Variants in OR51B5 observed in about 807,000 individuals in gnomAD.
The protein encoded by OR51B5 is olfactory receptor 51B5.
For missense variants in OR51B5, 456 were observed against 374.6 expected (o/e 1.22, Z -1.79); for synonymous variants, 186 against 144.8 (o/e 1.28, Z -2.04).
At chr11:5,424,756 T>C (rs2647568) in intron 1 of OR51B5, among the ~76,000 whole-genome samples, 94,450 of 138,052 alleles carry the variant, frequency 0.68, 32,965 homozygotes, top group Middle Eastern at 0.73. Flanking sequence ...CCGAGACGGG[T>C]GGATCACGAC....
At chr11:5,369,543 C>T (rs1347241425) in intron 1 of OR51B5, among the ~76,000 whole-genome samples, 1 of 151,850 alleles carries the variant, frequency 6.6e-6, no homozygotes, top group Non-Finnish European at 1.5e-5. Context: ...TAAAATTTTC[C>T]ATTCACTATC....
chr11:5,395,157 T>C (rs973789638), intron 1 of OR51B5, among the ~76,000 whole-genome samples: 10 of 152,174 alleles, frequency 6.6e-5, no homozygotes, highest in African/African-American at 1.9e-4. Context: ...AATCCCTCTT[T>C]GACATTCATC....
intron 1 of OR51B5, chr11:5,389,394 G>A (rs781260832): frequency 2.5e-5 from 40 of 1,609,398 alleles, no homozygotes; most frequent in South Asian, 8.8e-5. Context: ...CTCAATCCCC[G>A]AGGAATGTCA....
At chr11:5,353,380 G>A (rs538119168) in intron 1 of OR51B5, among the ~76,000 whole-genome samples, 76 of 152,266 alleles carry the variant, frequency 5.0e-4, no homozygotes, top group African/African-American at 1.8e-3. Flanking sequence ...GGTATGAGAG[G>A]TCTGGTTTAG....
intron 1 of OR51B5, among the ~76,000 whole-genome samples, chr11:5,477,314 G>A (rs1490825748): frequency 6.6e-6 from 1 of 152,156 alleles, no homozygotes; most frequent in Non-Finnish European, 1.5e-5. Context: ...CTTGAGATGA[G>A]CACAGAGGTG....
upstream of OR51B5, chr11:5,347,009 T>C (rs1849002792): frequency 6.6e-6 from 1 of 152,184 alleles, no homozygotes; most frequent in Non-Finnish European, 1.5e-5. Context: ...ATATTTACTC[T>C]GTATTAACTC....
At chr11:5,499,285 T>TGACCTATTTCTGTGTATAGGTCTCTTA (rs1554898514) in intron 1 of OR51B5, among the ~76,000 whole-genome samples, 1 of 150,474 alleles carries the variant, frequency 6.6e-6, no homozygotes, top group Non-Finnish European at 1.5e-5. Flanking sequence ...GGTTACTCTT[T>TGACCTATTTCTGTGTATAGGTCTCTTA]GACCTATTTC....
chr11:5,351,713 T>C (rs1335846859), intron 1 of OR51B5: 1 of 1,614,098 alleles, frequency 6.2e-7, no homozygotes, highest in Non-Finnish European at 8.5e-7. Context: ...GCTACAGACC[T>C]CGGAGTGACA....
chr11:5,350,526 T>TTAGAATTCTAA (rs1185779854), intron 1 of OR51B5, among the ~76,000 whole-genome samples: 10 of 152,296 alleles, frequency 6.6e-5, no homozygotes, highest in South Asian at 2.1e-4. Context: ...AGCTGAAATC[T>TTAGAATTCTAA]TAGAATTCTA....
intron 1 of OR51B5, among the ~76,000 whole-genome samples, chr11:5,407,596 C>A (rs546453129): frequency 1.3e-5 from 2 of 152,090 alleles, no homozygotes; most frequent in South Asian, 4.2e-4. Context: ...TGTATTAATA[C>A]CTGAATAAAT....
At chr11:5,361,400 T>C (rs1008353685) in intron 1 of OR51B5, among the ~76,000 whole-genome samples, 7 of 152,166 alleles carry the variant, frequency 4.6e-5, no homozygotes, top group African/African-American at 1.7e-4. Flanking sequence ...GCAGCTTGGC[T>C]TCTGAGTATA....
intron 1 of OR51B5, among the ~76,000 whole-genome samples, chr11:5,458,179 T>C (rs1850989672): frequency 6.6e-6 from 1 of 152,220 alleles, no homozygotes; most frequent in Admixed American, 6.5e-5. Context: ...TTCAATCTAC[T>C]GGGTATGGTT....
intron 1 of OR51B5, among the ~76,000 whole-genome samples, chr11:5,462,683 C>T (rs1477824766): frequency 6.6e-6 from 1 of 152,174 alleles, no homozygotes; most frequent in Non-Finnish European, 1.5e-5. Flanking sequence ...TCCAATATTC[C>T]ATTATCAACT....
Position 5,342,693 on chromosome 11 carries a change from A to AG in OR51B5, c.831dup (p.Tyr278LeufsTer14). The AG allele has an allele frequency of 6.2e-7, 1 of 1,613,992 alleles. No individual in the cohort carries two copies. The highest frequency in any genetic ancestry group is 8.5e-7 in the Non-Finnish European group (1 of 1,179,900). The stretch of plus-strand genomic sequence containing the variant: ...TTCATTAGTGGAGGGAACAGAAAAT[A>AG]GGCATAGCTCATAATGAGGTGAACA... On this transcript the variant is annotated frameshift_variant, in exon 1 of 1. Transcript: ENST00000300773. LOFTEE classifies it low-confidence loss of function (END_TRUNC).
intron 1 of OR51B5, chr11:5,351,756 G>A: frequency 1.2e-6 from 2 of 1,614,038 alleles, no homozygotes; most frequent in Non-Finnish European, 1.7e-6. Context: ...TAGGTGTTCT[G>A]TGGTTAGATC....
At chr11:5,485,434 G>C (rs1851485038) in intron 1 of OR51B5, among the ~76,000 whole-genome samples, 1 of 152,184 alleles carries the variant, frequency 6.6e-6, no homozygotes, top group African/African-American at 2.4e-5. Flanking sequence ...GGTGCCGTCA[G>C]CATAAGCACC....
At chr11:5,343,768 T>A (rs1411479470), upstream of OR51B5, 3 of 390,658 alleles carry the variant, frequency 7.7e-6, no homozygotes, top group African/African-American at 2.1e-5. Flanking sequence ...GAGTTTCAAC[T>A]GTTTATATGC....
At position 5,351,388 on chromosome 11, in the gene OR51B5, C is replaced by G. The variant is rs910163760; in HGVS notation, n.85-4478G>C. 6 of 701,468 alleles carry G rather than the reference C, an allele frequency of 8.6e-6. No homozygotes were observed. The East Asian group carries it at 1.4e-4, about 16-fold the overall frequency. 43.5% of individuals were successfully genotyped at this position (701,468 alleles called of 1,614,324 possible). ...GACTAAATTATCATCCTTGCTGTCACTGAAAGTCAGGACTGGTGAACATCT... is the reference window on the plus strand; with the variant it reads ...GACTAAATTATCATCCTTGCTGTCAGTGAAAGTCAGGACTGGTGAACATCT... On this transcript the variant is annotated intron_variant and non_coding_transcript_variant, in intron 1 of 4. Transcript: ENST00000415970.
At chr11:5,355,859 G>A (rs4910763) in intron 1 of OR51B5, among the ~76,000 whole-genome samples, 2 of 151,790 alleles carry the variant, frequency 1.3e-5, no homozygotes, top group African/African-American at 4.8e-5. Context: ...TAGTGACATA[G>A]GCGTCAATAT....
Sources: gnomAD v4.1 joint callset for allele counts (sites outside exome capture counted in the v4.1 genomes callset) on GRCh38, gnomAD v4.1.1 for gene constraint, MANE v1.5 for transcripts, NCBI Gene and HGNC (gene_info 2026-07-23, HGNC 2026-07-21) for gene names.